Variants in EDN3 observed in about 807,000 individuals in gnomAD.
EDN3 encodes endothelin-3.
EDN3 carries 9 observed loss-of-function variants against 21.4 expected under a neutral mutation model. The ratio of observed to expected loss-of-function variants is 0.42; its 90% CI spans 0.25 to 0.73. The LOEUF (loss-of-function observed/expected upper bound fraction) is 0.73. EDN3 is among the 30% of genes least tolerant of loss of function. The pLI is 0.26. For missense variants in EDN3, 327 were observed against 309.4 expected (o/e 1.06, Z -0.43); for synonymous variants, 133 against 126.2 (o/e 1.05, Z -0.36).
chr20:59,303,139 A>G (rs1012065585), intron 2 of EDN3, among the ~76,000 whole-genome samples: 11 of 152,264 alleles, frequency 7.2e-5, no homozygotes, highest in African/African-American at 2.6e-4. Flanking sequence ...GAAATCCTTA[A>G]TACTTTCTGA....
Position 59,308,621 on chromosome 20 carries a change from G to C in EDN3, c.365+6899G>C, listed in dbSNP as rs531099791. Among the ~76,000 whole-genome samples, 3 of 152,200 alleles carry C rather than the reference G, an allele frequency of 2.0e-5. No individual in the cohort carries two copies. In the South Asian group the frequency reaches 6.2e-4, roughly 32 times the overall value. ...TGGGGGAATAGATAGCACTCTATGA[G>C]GAAAGATGTTTTCAGGATGACACAA... On this transcript the variant is annotated intron_variant, in intron 2 of 4. Coordinates refer to ENST00000337938, the MANE Select transcript of EDN3 (RefSeq NM_207034.3).
rs144749351 is a variant in EDN3, at chr20:59,322,548, G to A, written c.588+131G>A. 4.3e-4 allele frequency: 535 copies of A among 1,246,132 alleles called. No individual in the cohort carries two copies. In the African/African-American group the frequency reaches 6.8e-3, roughly 16 times the overall value. The allele number at this position is 1,246,132 out of a possible 1,614,324, so 77.2% of individuals were successfully genotyped here. ...TCCAGTGGGAACCCCAGATCTCATG[G>A]GATGCTGCACCCACAAGCAATGGTG... On this transcript the variant is annotated intron_variant, in intron 4 of 4. Transcript: ENST00000337938. The surrounding 1 kb of genome is among the most constrained non-coding windows in gnomAD (Gnocchi z 4.1).
rs80055202 is a variant in EDN3 at position 59,315,887 on chromosome 20, T to G, written c.366-5130T>G. ...AAAGCTGGAAATCGGGATGTTTATG[T>G]GAAATTTCCGGATTTAACAAAAAAC... On this transcript the variant is annotated intron_variant, in intron 2 of 4. Coordinates refer to ENST00000337938, the MANE Select transcript of EDN3 (RefSeq NM_207034.3). Among the ~76,000 whole-genome samples, 4 of 152,254 alleles carry G rather than the reference T, an allele frequency of 2.6e-5. No individual in the cohort carries two copies. The East Asian group carries it at 7.7e-4, about 29-fold the overall frequency.
chr20:59,302,748 G>A (rs1272369034), intron 2 of EDN3, among the ~76,000 whole-genome samples: 1 of 152,084 alleles, frequency 6.6e-6, no homozygotes, highest in Non-Finnish European at 1.5e-5. Flanking sequence ...GGTTGTGAAT[G>A]CAAGCCCCTG....
intron 2 of EDN3, among the ~76,000 whole-genome samples, chr20:59,316,297 C>T (rs1217010263): frequency 6.6e-6 from 1 of 152,218 alleles, no homozygotes; most frequent in African/African-American, 2.4e-5. Flanking sequence ...GGCCCCGCCC[C>T]TTGTCTGTCT....
chr20:59,310,758 G>A (rs907313886), intron 2 of EDN3, among the ~76,000 whole-genome samples: 5 of 152,212 alleles, frequency 3.3e-5, no homozygotes, highest in African/African-American at 9.7e-5. Flanking sequence ...GATGACAAAA[G>A]TACCGACAGA....
chr20:59,324,638 C>A lies in EDN3; in HGVS notation c.*179C>A, dbSNP rs527379112. The A allele has an allele frequency of 2.5e-6, 2 of 806,424 alleles. No homozygotes were observed. Among genetic ancestry groups the A allele is most frequent in the Admixed American group, 2.2e-5 (1 of 45,098 alleles). 50.0% of individuals were successfully genotyped at this position (806,424 alleles called of 1,614,324 possible). On this transcript the variant is annotated 3_prime_UTR_variant, in exon 5 of 5. Transcript: ENST00000337938. ...CAAGAATGCCCAAATCCGAATGACC[C>A]CAGTTTTCCTAATGAGTAAAATGAT... is the stretch of plus-strand genomic sequence containing the variant.
chr20:59,314,469 C>G (rs1364450090), intron 2 of EDN3, among the ~76,000 whole-genome samples: 1 of 151,890 alleles, frequency 6.6e-6, no homozygotes, highest in Non-Finnish European at 1.5e-5. Flanking sequence ...AGAAGAAGCC[C>G]TAGGCTCTGA....
At chr20:59,312,777 C>A (rs1568835557) in intron 2 of EDN3, among the ~76,000 whole-genome samples, 1 of 152,126 alleles carries the variant, frequency 6.6e-6, no homozygotes, top group Non-Finnish European at 1.5e-5. Context: ...TGGTGAGGGC[C>A]TTTGGAAACA....
At chr20:59,307,804 G>A (rs1019274024) in intron 2 of EDN3, among the ~76,000 whole-genome samples, 1 of 151,886 alleles carries the variant, frequency 6.6e-6, no homozygotes, top group South Asian at 2.1e-4. Flanking sequence ...AGCCTCCCGA[G>A]TAGCTGGAAC....
chr20:59,302,031 C>T (rs1380482603), intron 2 of EDN3, among the ~76,000 whole-genome samples: 1 of 152,198 alleles, frequency 6.6e-6, no homozygotes, highest in Non-Finnish European at 1.5e-5. Context: ...AGATGTCTCT[C>T]TGAGCCTCTT....
chr20:59,313,168 A>G (rs74358565), intron 2 of EDN3, among the ~76,000 whole-genome samples: 1 of 152,332 alleles, frequency 6.6e-6, no homozygotes, highest in Non-Finnish European at 1.5e-5. Context: ...GACACTGGGT[A>G]GGGCTGTGCA....
rs538941904 is a variant in EDN3, at chr20:59,306,725, G to A, written c.365+5003G>A. Among the ~76,000 whole-genome samples, 3 of 151,572 alleles carry A rather than the reference G, an allele frequency of 2.0e-5. No individual in the cohort carries two copies. The South Asian group carries it at 6.2e-4, about 31-fold the overall frequency. Reference sequence around the variant, plus strand: ...TGTGTTCTTCAAGAAAGGCATCTTGGCATGGTCTCAAGAAGAGATATTCCA... The same window carrying A: ...TGTGTTCTTCAAGAAAGGCATCTTGACATGGTCTCAAGAAGAGATATTCCA... On this transcript the variant is annotated intron_variant, in intron 2 of 4. Transcript: ENST00000337938.
intron 2 of EDN3, among the ~76,000 whole-genome samples, chr20:59,312,677 G>A (rs927619074): frequency 6.6e-6 from 1 of 152,158 alleles, no homozygotes; most frequent in African/African-American, 2.4e-5. Flanking sequence ...TGGGTGGAGT[G>A]GAGCACCTCA....
intron 2 of EDN3, 135 bp from the exon 3 acceptor site, chr20:59,320,882 C>G: frequency 2.3e-6 from 2 of 871,154 alleles, no homozygotes; most frequent in South Asian, 2.9e-5. Flanking sequence ...AGACCCAGAG[C>G]TGTAGTGGGG....
chr20:59,307,547 T>C (rs1989510848), intron 2 of EDN3, among the ~76,000 whole-genome samples: 2 of 152,328 alleles, frequency 1.3e-5, no homozygotes, highest in South Asian at 4.1e-4. Flanking sequence ...TAATATGCCA[T>C]CTTAGATGAC....
In EDN3 at chr20:59,319,649, C is replaced by T. The variant is rs62204045; in HGVS notation, c.366-1368C>T. ...GCTAAGGCAGGAGAATTGCTTGAAT[C>T]GGGGAGGCAGAGGTTGCAGTGAGCC... On this transcript the variant is annotated intron_variant, in intron 2 of 4. Transcript: ENST00000337938. Among the ~76,000 whole-genome samples, 539 of 145,580 alleles carry T rather than the reference C, an allele frequency of 3.7e-3. 3 individuals carry two copies. Among genetic ancestry groups the T allele is most frequent in the Admixed American group, 0.011 (164 of 14,318 alleles).
Position 59,305,390 on chromosome 20 carries a change from G to A in EDN3, c.365+3668G>A, listed in dbSNP as rs1222085437. Among the ~76,000 whole-genome samples the A allele has an allele frequency of 6.6e-6, 1 of 152,250 alleles. No individual in the cohort carries two copies. Among genetic ancestry groups the A allele is most frequent in the African/African-American group, 2.4e-5 (1 of 41,472 alleles). ...GCTGATGTCCTTGTACACTGCGGCT[G>A]TCCTCTATGAGCAGACTGAAGAAAC... On this transcript the variant is annotated intron_variant, in intron 2 of 4. Transcript: ENST00000337938. This position sits in a 1 kb window ranked among gnomAD's most constrained non-coding sequence, Gnocchi z 4.2.
chr20:59,309,818 G>T (rs1028315237), intron 2 of EDN3, among the ~76,000 whole-genome samples: 4 of 152,164 alleles, frequency 2.6e-5, no homozygotes, highest in Non-Finnish European at 5.9e-5. Context: ...TAGAAAGCCC[G>T]TTTTCTGCCC....
Sources: gnomAD v4.1 joint callset for allele counts (sites outside exome capture counted in the v4.1 genomes callset) on GRCh38, gnomAD v4.1.1 for gene constraint, Gnocchi (gnomAD v3.1) non-coding constraint, MANE v1.5 for transcripts, NCBI Gene and HGNC (gene_info 2026-07-23, HGNC 2026-07-21) for gene names.